Variants in RALYL observed in about 807,000 individuals in gnomAD.
RALYL encodes RNA-binding Raly-like protein.
In RALYL, 29 loss-of-function variants were observed where a neutral mutation model predicts 35.1. The observed-to-expected ratio is 0.83, with a 90% CI of 0.61 to 1.13. The LOEUF (loss-of-function observed/expected upper bound fraction) is 1.13. RALYL is among the 50% of genes most tolerant of loss of function. RALYL has a pLI of 0.00. For synonymous variants in RALYL, 120 were observed against 127.6 expected (o/e 0.94, Z 0.40); for missense variants, 359 against 360.4 (o/e 1.00, Z 0.03).
At chr8:84,736,033 C>T (rs542468174) in intron 2 of RALYL, among the ~76,000 whole-genome samples, 1 of 152,082 alleles carries the variant, frequency 6.6e-6, no homozygotes, top group Non-Finnish European at 1.5e-5. Flanking sequence ...CACTCCAACA[C>T]AGTCTCTAGT....
chr8:84,252,198 C>T (rs1204732706), intron 1 of RALYL, among the ~76,000 whole-genome samples: 1 of 152,078 alleles, frequency 6.6e-6, no homozygotes, highest in African/African-American at 2.4e-5. Flanking sequence ...GAAACCTCCG[C>T]ATTTTCACTG....
At chr8:84,429,275 G>A (rs530080958) in intron 1 of RALYL, among the ~76,000 whole-genome samples, 20 of 152,262 alleles carry the variant, frequency 1.3e-4, no homozygotes, top group African/African-American at 4.6e-4. Context: ...AAGCAGGGAA[G>A]AATTGCACAG....
chr8:84,412,640 GC>G (rs2044215833), intron 1 of RALYL, among the ~76,000 whole-genome samples: 1 of 151,730 alleles, frequency 6.6e-6, no homozygotes, highest in African/African-American at 2.4e-5. Context: ...TTTAATTTCA[GC>G]CTCTATATTA....
chr8:84,342,974 T>A (rs1849141488), intron 1 of RALYL, among the ~76,000 whole-genome samples: 2 of 152,200 alleles, frequency 1.3e-5, no homozygotes, highest in African/African-American at 4.8e-5. Flanking sequence ...TTCTGCAAAG[T>A]AATATGATAC....
chr8:84,214,262 G>A (rs899253494), intron 1 of RALYL, among the ~76,000 whole-genome samples: 1 of 151,806 alleles, frequency 6.6e-6, no homozygotes, highest in African/African-American at 2.4e-5. Context: ...ATAAGGAATT[G>A]GTATCATTTC....
At chr8:84,903,469 C>A (rs1303911295) in intron 8 of RALYL, among the ~76,000 whole-genome samples, 1 of 152,072 alleles carries the variant, frequency 6.6e-6, no homozygotes, top group African/African-American at 2.4e-5. Context: ...CTCACATTGC[C>A]CTAAACACAG....
intron 2 of RALYL, among the ~76,000 whole-genome samples, chr8:84,726,995 A>C (rs1443710472): frequency 6.6e-6 from 1 of 152,068 alleles, no homozygotes; most frequent in Non-Finnish European, 1.5e-5. Context: ...CTATCAATAA[A>C]TGGAAGTGGA....
At chr8:84,309,708 GA>G (rs1842398982) in intron 1 of RALYL, among the ~76,000 whole-genome samples, 1 of 152,026 alleles carries the variant, frequency 6.6e-6, no homozygotes, top group South Asian at 2.1e-4. Flanking sequence ...GGTAACACTG[GA>G]AAAAGGTGAA....
At chr8:84,558,963 A>G (rs2061311461) in intron 2 of RALYL, among the ~76,000 whole-genome samples, 1 of 152,082 alleles carries the variant, frequency 6.6e-6, no homozygotes, top group Admixed American at 6.6e-5. Context: ...ACTACAAATA[A>G]TATAGTAAAA....
At chr8:84,693,005 T>G (rs1450682779) in intron 2 of RALYL, among the ~76,000 whole-genome samples, 1 of 152,002 alleles carries the variant, frequency 6.6e-6, no homozygotes, top group African/African-American at 2.4e-5. Context: ...ATAAATAACA[T>G]AGCCCAACCA....
At chr8:84,624,003 G>A (rs1466873898) in intron 2 of RALYL, among the ~76,000 whole-genome samples, 1 of 152,150 alleles carries the variant, frequency 6.6e-6, no homozygotes, top group Non-Finnish European at 1.5e-5. Flanking sequence ...ATAATCACTT[G>A]AATAAACAAG....
At chr8:84,291,480 C>T (rs1309815365) in intron 1 of RALYL, among the ~76,000 whole-genome samples, 1 of 151,948 alleles carries the variant, frequency 6.6e-6, no homozygotes, top group Non-Finnish European at 1.5e-5. Flanking sequence ...TTATGGTTAT[C>T]AAAAATATCA....
At chr8:84,440,147 G>A (rs987588928) in intron 1 of RALYL, among the ~76,000 whole-genome samples, 2 of 152,058 alleles carry the variant, frequency 1.3e-5, no homozygotes, top group African/African-American at 4.8e-5. Context: ...ATACAGACAA[G>A]TTTAGATATT....
chr8:84,275,829 T>C (rs1463243045), intron 1 of RALYL, among the ~76,000 whole-genome samples: 1 of 152,136 alleles, frequency 6.6e-6, no homozygotes, highest in African/African-American at 2.4e-5. Flanking sequence ...TATTTAAAAT[T>C]TTCTTAGCAA....
chr8:84,887,917 T>C, intron 8 of RALYL, 141 bp downstream of exon 8: 5 of 715,360 alleles, frequency 7.0e-6, no homozygotes, highest in Non-Finnish European at 1.1e-5. Flanking sequence ...ATGAGTATAG[T>C]GCTTTGCACA....
At chr8:84,407,739 G>A (rs552765091) in intron 1 of RALYL, among the ~76,000 whole-genome samples, 1 of 152,154 alleles carries the variant, frequency 6.6e-6, no homozygotes, top group East Asian at 1.9e-4. Flanking sequence ...GGTTCAGTTT[G>A]CAAAACTGAT....
chr8:84,765,102 G>C (rs775502758), intron 2 of RALYL, among the ~76,000 whole-genome samples: 146 of 152,120 alleles, frequency 9.6e-4, no homozygotes, highest in Non-Finnish European at 2.4e-4. Flanking sequence ...GAAATTGCAG[G>C]CAGCACAGTT....
At chr8:84,250,163 A>G (rs966199611) in intron 1 of RALYL, among the ~76,000 whole-genome samples, 7 of 152,064 alleles carry the variant, frequency 4.6e-5, no homozygotes, top group Non-Finnish European at 1.0e-4. Context: ...ATAGCACTCA[A>G]AAAATTTATT....
At chr8:84,654,063 A>T (rs986585679) in intron 2 of RALYL, among the ~76,000 whole-genome samples, 3 of 149,630 alleles carry the variant, frequency 2.0e-5, no homozygotes, top group African/African-American at 7.3e-5. Flanking sequence ...TACGTAGTAT[A>T]TGTATATATA....
Sources: allele counts gnomAD v4.1 joint callset (sites outside exome capture counted in the v4.1 genomes callset), GRCh38; gene constraint gnomAD v4.1.1; transcripts MANE v1.5; gene names NCBI Gene and HGNC (gene_info 2026-07-23, HGNC 2026-07-21).